Variants in ZNF503 observed in about 807,000 individuals in gnomAD.
ZNF503 encodes the protein zinc finger protein 503.
In ZNF503, 15 loss-of-function variants were observed where a neutral mutation model predicts 34.4. The observed-to-expected ratio is 0.44, with a 90% CI of 0.29 to 0.67. The LOEUF (loss-of-function observed/expected upper bound fraction) is 0.67. Ranked by LOEUF, ZNF503 falls within the 30% of genes least tolerant of loss-of-function variation. The probability of loss-of-function intolerance (pLI) is 0.13; values close to 1 mark genes in which losing one functional copy is unlikely to be tolerated. For missense variants in ZNF503, 1,007 were observed against 926.8 expected (o/e 1.09, Z -1.12); for synonymous variants, 580 against 456.8 (o/e 1.27, Z -3.44).
At chr10:75,366,250 A>G in the ZNF503 span, among the ~76,000 whole-genome samples, 1 of 152,192 alleles carries the variant, frequency 6.6e-6, no homozygotes, top group African/African-American at 2.4e-5. Context: ...GCTATATCCT[A>G]TTGGGGATTC....
chr10:75,380,363 C>T, the ZNF503 span, among the ~76,000 whole-genome samples: 1 of 152,204 alleles, frequency 6.6e-6, no homozygotes, highest in Non-Finnish European at 1.5e-5. Context: ...CAGGGAGCAA[C>T]ATGCCCAAGG....
chr10:75,390,985 G>A, the ZNF503 span, among the ~76,000 whole-genome samples: 1 of 152,136 alleles, frequency 6.6e-6, no homozygotes, highest in African/African-American at 2.4e-5. Flanking sequence ...GTGGGAGGTT[G>A]GTGGTGTCTC....
the ZNF503 span, among the ~76,000 whole-genome samples, chr10:75,359,731 G>T: frequency 6.6e-6 from 1 of 152,216 alleles, no homozygotes; most frequent in African/African-American, 2.4e-5. Flanking sequence ...TCAGCCATGG[G>T]CATTAGACTT....
chr10:75,300,704 C>CTTTTTTTTTTTTTTTTTTTTT, the ZNF503 span, among the ~76,000 whole-genome samples: 1 of 108,752 alleles, frequency 9.2e-6, no homozygotes, highest in Non-Finnish European at 1.8e-5. Context: ...TTCTTTCTTT[C>CTTTTTTTTTTTTTTTTTTTTT]TTTTTTTTTT....
At chr10:75,289,755 G>A in the ZNF503 span, among the ~76,000 whole-genome samples, 19 of 152,014 alleles carry the variant, frequency 1.2e-4, no homozygotes, top group African/African-American at 3.1e-4. Flanking sequence ...TAGTAGAGAC[G>A]GGGTTTCACC....
the ZNF503 span, among the ~76,000 whole-genome samples, chr10:75,372,656 T>C: frequency 6.6e-5 from 10 of 152,290 alleles, no homozygotes; most frequent in East Asian, 1.9e-4. Flanking sequence ...AAATCTATTG[T>C]GGTTTGATAA....
the ZNF503 span, among the ~76,000 whole-genome samples, chr10:75,322,104 T>C: frequency 6.7e-6 from 1 of 149,634 alleles, no homozygotes; most frequent in Non-Finnish European, 1.5e-5. Flanking sequence ...TTTGGAATAC[T>C]TTAGCTTTAT....
chr10:75,388,673 T>C, the ZNF503 span, among the ~76,000 whole-genome samples: 1 of 152,234 alleles, frequency 6.6e-6, no homozygotes, highest in East Asian at 1.9e-4. Flanking sequence ...GGGCTAATGA[T>C]AGTGCCTCCT....
chr10:75,395,213 G>A (rs1843682977), downstream of ZNF503, among the ~76,000 whole-genome samples: 1 of 152,222 alleles, frequency 6.6e-6, no homozygotes, highest in Admixed American at 6.5e-5. This position sits in a 1 kb window ranked among gnomAD's most constrained non-coding sequence, Gnocchi z 4.4. Context: ...AGCTCCCCAG[G>A]TTGGGAAGGG....
chr10:75,385,552 C>T, the ZNF503 span, among the ~76,000 whole-genome samples: 1 of 152,230 alleles, frequency 6.6e-6, no homozygotes, highest in East Asian at 1.9e-4. Flanking sequence ...GGGCTGTTGG[C>T]CAGAACACTC....
chr10:75,287,506 G>A, the ZNF503 span, among the ~76,000 whole-genome samples: 26 of 152,152 alleles, frequency 1.7e-4, no homozygotes, highest in East Asian at 5.0e-3. Flanking sequence ...TCTCTCCTGG[G>A]CTGTCTTTCC....
the ZNF503 span, among the ~76,000 whole-genome samples, chr10:75,385,985 C>T: frequency 1.3e-5 from 2 of 152,166 alleles, no homozygotes; most frequent in Admixed American, 1.3e-4. Context: ...GAAACTCAAG[C>T]CATACAAAAG....
At chr10:75,284,106 T>A in the ZNF503 span, 4 of 148,230 alleles carry the variant, frequency 2.7e-5, no homozygotes, top group East Asian at 8.0e-4. Context: ...TATTTATTAC[T>A]CTTCCAATAA....
chr10:75,369,730 G>C, the ZNF503 span, among the ~76,000 whole-genome samples: 1 of 152,124 alleles, frequency 6.6e-6, no homozygotes, highest in Non-Finnish European at 1.5e-5. Context: ...AAGCATATTA[G>C]TGTTACTGAA....
chr10:75,399,563 G>C lies in ZNF503; in HGVS notation c.1127C>G (p.Pro376Arg). The C allele has an allele frequency of 6.3e-7, 1 of 1,595,968 alleles. No homozygotes were observed. Among genetic ancestry groups the C allele is most frequent in the Non-Finnish European group, 8.5e-7 (1 of 1,178,882 alleles). Residue 376 changes from proline (P) to arginine (R), a missense_variant, in exon 2 of 2, where the codon CCA becomes CGA. Coordinates refer to ENST00000372524, the MANE Select transcript of ZNF503 (RefSeq NM_032772.6). ...GGTGGGGTCAAGTGCCACGCCGTGT[G>C]GCAGGAACTGGGGCGGGTAGCCGGC... is the stretch of plus-strand genomic sequence containing the variant. ...AYAGYPPQFL[P>R]HGVALDPTKP... is the part of the protein sequence containing the mutation.
the ZNF503 span, among the ~76,000 whole-genome samples, chr10:75,321,076 G>C: frequency 1.3e-5 from 2 of 152,262 alleles, no homozygotes; most frequent in Middle Eastern, 6.8e-3. Flanking sequence ...TGCCATTCTT[G>C]TGATAGAGTT....
the ZNF503 span, among the ~76,000 whole-genome samples, chr10:75,350,833 C>T: frequency 4.6e-5 from 7 of 152,180 alleles, no homozygotes; most frequent in Admixed American, 4.6e-4. Flanking sequence ...GGATTACAGG[C>T]ATGAGCCACC....
At chr10:75,328,497 T>A in the ZNF503 span, among the ~76,000 whole-genome samples, 885 of 152,338 alleles carry the variant, frequency 5.8e-3, 8 homozygotes, top group African/African-American at 0.02. Flanking sequence ...TTTTGGTTGC[T>A]ATAGCTTGTA....
chr10:75,349,069 T>G, the ZNF503 span, among the ~76,000 whole-genome samples: 1 of 152,228 alleles, frequency 6.6e-6, no homozygotes, highest in Non-Finnish European at 1.5e-5. Flanking sequence ...TATTTCTAAA[T>G]ATTTCACATC....
Sources: allele counts gnomAD v4.1 joint callset (sites outside exome capture counted in the v4.1 genomes callset), GRCh38; gene constraint gnomAD v4.1.1; non-coding constraint Gnocchi (gnomAD v3.1); transcripts MANE v1.5; gene names NCBI Gene and HGNC (gene_info 2026-07-23, HGNC 2026-07-21).